Variants in GATA4 observed in about 807,000 individuals in gnomAD.
The protein encoded by GATA4 is transcription factor GATA-4.
A neutral mutation model predicts 37.9 loss-of-function variants in GATA4; 7 were observed. The observed-to-expected ratio is 0.18, with a 90% confidence interval of 0.11 to 0.35. The LOEUF is 0.35. Ranked by LOEUF, GATA4 falls within the 10% of genes least tolerant of loss-of-function variation. The pLI is 1.00. For synonymous variants in GATA4, 372 were observed against 292.6 expected (o/e 1.27, Z -2.77); for missense variants, 647 against 653.0 (o/e 0.99, Z 0.10).
rs1040452277 is a variant in GATA4, at chr8:11,708,621, G to A, written c.309G>A (p.Pro103=). ...ACGGAGCCGCTTACACCCCGCCGCC[G>A]GTGTCGCCGCGCTTCTCCTTCCCGG... is the stretch of plus-strand genomic sequence containing the variant. ...GADGAAYTPP[P]VSPRFSFPGT... Residue 103 remains proline, a synonymous_variant, in exon 2 of 7, where the codon CCG becomes CCA. Transcript: ENST00000532059. This position sits in a 1 kb window ranked among gnomAD's most constrained non-coding sequence, Gnocchi z 6.7. 1 of 1,342,786 alleles carries A rather than the reference G, an allele frequency of 7.4e-7. No individual in the cohort carries two copies. The highest frequency in any genetic ancestry group is 1.5e-5 in the African/African-American group (1 of 65,744). 83.2% of individuals were successfully genotyped at this position (1,342,786 alleles called of 1,614,324 possible). A position where few individuals can be genotyped will look rare whatever the true frequency, so the allele number is the denominator to read the frequency against.
chr8:11,693,156 T>C (rs1181803320), intron 1 of GATA4: 2 of 879,748 alleles, frequency 2.3e-6, no homozygotes, highest in Non-Finnish European at 2.7e-6. Flanking sequence ...CCTAAAGAGC[T>C]GTAAGGAAGC....
intron 1 of GATA4, chr8:11,697,453 C>T: frequency 1.6e-6 from 1 of 645,016 alleles, no homozygotes; most frequent in Non-Finnish European, 1.9e-6. Flanking sequence ...CAATAGGAAC[C>T]TCCCAGCTGG....
At chr8:11,681,051 C>T (rs1038519135) in intron 1 of GATA4, 2 of 946,792 alleles carry the variant, frequency 2.1e-6, no homozygotes, top group Non-Finnish European at 2.5e-6. Flanking sequence ...TAATGCCTTC[C>T]TTCTCTGGCC....
rs377360005 is a variant in GATA4, at chr8:11,719,823, G to C, written c.616+10895G>C. The stretch of plus-strand genomic sequence containing the variant: ...CAGAAATGAGAAATTGACCAGCACT[G>C]TCAATAACAGCTGAATGGAAGAGTT... On this transcript the variant is annotated intron_variant, in intron 2 of 6. Coordinates refer to ENST00000532059, the MANE Select transcript of GATA4 (RefSeq NM_001308093.3). 1.7e-4 allele frequency among the ~76,000 whole-genome samples: 26 copies of C among 152,320 alleles called. No individual in the cohort carries two copies. The South Asian group carries it at 4.6e-3, about 27-fold the overall frequency.
At position 11,750,091 on chromosome 8, in the gene GATA4, A is replaced by G. The variant is rs2130312704; in HGVS notation, c.787-20A>G. 3.1e-6 allele frequency: 5 copies of G among 1,614,000 alleles called. No individual in the cohort carries two copies. Among genetic ancestry groups the G allele is most frequent in the Non-Finnish European group, 4.2e-6 (5 of 1,180,030 alleles). On this transcript the variant is annotated intron_variant, in intron 3 of 6. Transcript: ENST00000532059. Reference sequence around the variant, plus strand: ...CACACCTTTTACTTGGACATGAAGCATTTGTTTCCTGTCTTGCAGTCCGCC... The same window carrying G: ...CACACCTTTTACTTGGACATGAAGCGTTTGTTTCCTGTCTTGCAGTCCGCC...
At chr8:11,720,337 G>C (rs1164205236) in intron 2 of GATA4, among the ~76,000 whole-genome samples, 2 of 152,022 alleles carry the variant, frequency 1.3e-5, no homozygotes, top group East Asian at 3.9e-4. Flanking sequence ...CTGTGCCTGC[G>C]TGGACATCAA....
chr8:11,728,873 AG>A (rs1368849164), intron 2 of GATA4, among the ~76,000 whole-genome samples: 1 of 152,182 alleles, frequency 6.6e-6, no homozygotes, highest in Non-Finnish European at 1.5e-5. Context: ...TCTCTTACAT[AG>A]GGGGGCACAT....
chr8:11,692,795 C>T (rs986176817), intron 1 of GATA4: 17 of 982,090 alleles, frequency 1.7e-5, no homozygotes, highest in African/African-American at 5.2e-5. Context: ...GGGGAGGAAG[C>T]GGGGCCGGCG....
intron 1 of GATA4, among the ~76,000 whole-genome samples, chr8:11,678,942 C>T (rs1441758407): frequency 6.6e-6 from 1 of 152,076 alleles, no homozygotes; most frequent in African/African-American, 2.4e-5. Context: ...CTCTTTCTCC[C>T]TGGTCTAGTC....
At chr8:11,723,529 A>G (rs1800772711) in intron 2 of GATA4, among the ~76,000 whole-genome samples, 1 of 152,268 alleles carries the variant, frequency 6.6e-6, no homozygotes, top group African/African-American at 2.4e-5. Context: ...ATCTCTTTTT[A>G]TGAGTTTTCT....
chr8:11,716,330 A>T (rs759733634), intron 2 of GATA4, among the ~76,000 whole-genome samples: 12 of 151,896 alleles, frequency 7.9e-5, no homozygotes, highest in Non-Finnish European at 1.8e-4. Flanking sequence ...TTTAAAGAAG[A>T]TTCTCTATTT....
intron 2 of GATA4, among the ~76,000 whole-genome samples, chr8:11,710,477 C>G (rs1240334751): frequency 2.0e-4 from 30 of 149,090 alleles, no homozygotes; most frequent in African/African-American, 6.4e-4. Context: ...GCCAGGAGAT[C>G]GAGACCATCC....
chr8:11,759,294 C>G lies in GATA4; in HGVS notation c.*819C>G, dbSNP rs1174252763. 1.3e-5 allele frequency: 2 copies of G among 153,134 alleles called. No individual in the cohort carries two copies. The highest frequency in any genetic ancestry group is 4.8e-5 in the African/African-American group (2 of 41,472). 9.5% of individuals were successfully genotyped at this position (153,134 alleles called of 1,614,324 possible). On this transcript the variant is annotated 3_prime_UTR_variant, in exon 7 of 7. Coordinates refer to ENST00000532059, the MANE Select transcript of GATA4 (RefSeq NM_001308093.3). ...ACTGCAGACCCTTCGTTCACCGTGTCACACATAGAGGGGTTCTGAGTAAGA... is the reference window on the plus strand; with the variant it reads ...ACTGCAGACCCTTCGTTCACCGTGTGACACATAGAGGGGTTCTGAGTAAGA...
At chr8:11,684,025 G>A (rs991765189) in intron 1 of GATA4, among the ~76,000 whole-genome samples, 69 of 152,364 alleles carry the variant, frequency 4.5e-4, no homozygotes, top group Middle Eastern at 3.4e-3. Context: ...TGCCCCAAAA[G>A]TAAGAGTTCC....
At chr8:11,699,787 C>T (rs765643662), upstream of GATA4, among the ~76,000 whole-genome samples, 6 of 152,236 alleles carry the variant, frequency 3.9e-5, no homozygotes, top group Non-Finnish European at 7.3e-5. Context: ...TCAGAGATTC[C>T]TTTCCACTTT....
intron 1 of GATA4, among the ~76,000 whole-genome samples, chr8:11,706,383 T>C (rs553403575): frequency 5.9e-5 from 9 of 152,350 alleles, no homozygotes; most frequent in African/African-American, 2.2e-4. Context: ...TAGAAATCTG[T>C]AGTAATAGTC....
chr8:11,697,733 T>G (rs1045739086), intron 1 of GATA4: 1 of 985,470 alleles, frequency 1.0e-6, no homozygotes, highest in Middle Eastern at 5.2e-4. Context: ...TTCCTGTCTC[T>G]GCTCGCCGCG....
At chr8:11,731,617 G>C (rs891461648) in intron 2 of GATA4, among the ~76,000 whole-genome samples, 5 of 152,178 alleles carry the variant, frequency 3.3e-5, no homozygotes, top group African/African-American at 1.2e-4. Flanking sequence ...AGTTTAATGG[G>C]TGCAGAGTTT....
intron 2 of GATA4, among the ~76,000 whole-genome samples, chr8:11,721,393 A>G (rs1014560758): frequency 6.7e-5 from 10 of 149,886 alleles, no homozygotes; most frequent in African/African-American, 2.2e-4. Flanking sequence ...AGAATGCTGG[A>G]AAGGTGAGCA....
Sources: allele counts gnomAD v4.1 joint callset (sites outside exome capture counted in the v4.1 genomes callset), GRCh38; gene constraint gnomAD v4.1.1; non-coding constraint Gnocchi (gnomAD v3.1); transcripts MANE v1.5; gene names NCBI Gene and HGNC (gene_info 2026-07-23, HGNC 2026-07-21).